The following WDR41 variants were observed in gnomAD, a reference collection of about 807,000 sequenced individuals.
The protein encoded by WDR41 is WD repeat domain 41.
WDR41 carries 63 observed loss-of-function variants against 69.3 expected under a neutral mutation model. The ratio of observed to expected loss-of-function variants is 0.91; its 90% CI spans 0.74 to 1.12. WDR41 has a LOEUF of 1.12. Among genes scored for constraint, WDR41 ranks in the 50% most tolerant of loss-of-function variants. The pLI, the probability that WDR41 is intolerant of heterozygous loss-of-function variation, is 0.00. For missense variants in WDR41, 543 were observed against 534.5 expected (o/e 1.02, Z -0.16); for synonymous variants, 185 against 192.1 (o/e 0.96, Z 0.31).
intron 1 of WDR41, among the ~76,000 whole-genome samples, chr5:77,565,950 C>G (rs1200431342): frequency 6.6e-6 from 1 of 152,146 alleles, no homozygotes; most frequent in Admixed American, 6.5e-5. Flanking sequence ...CCATTGACTT[C>G]TTACTGCATA....
At chr5:77,517,898 A>T (rs539478530) in intron 1 of WDR41, among the ~76,000 whole-genome samples, 1 of 152,300 alleles carries the variant, frequency 6.6e-6, no homozygotes, top group African/African-American at 2.4e-5. Flanking sequence ...CAGCTCTTAT[A>T]TATTTTCATC....
chr5:77,501,223 C>T (rs967173305), intron 1 of WDR41, among the ~76,000 whole-genome samples: 7 of 152,272 alleles, frequency 4.6e-5, no homozygotes, highest in African/African-American at 1.2e-4. Context: ...AGGAGATTCT[C>T]TCCCATTTCT....
intron 1 of WDR41, chr5:77,545,716 A>G (rs545339968): frequency 1.7e-5 from 9 of 521,034 alleles, no homozygotes; most frequent in Non-Finnish European, 3.0e-5. Context: ...GCAGAAGCAG[A>G]CCCACGCTGG....
intron 1 of WDR41, among the ~76,000 whole-genome samples, chr5:77,555,602 G>T (rs888266105): frequency 6.6e-6 from 1 of 152,016 alleles, no homozygotes; most frequent in Admixed American, 6.5e-5. Context: ...GAGCCACCCC[G>T]CCTAGCCTGT....
chr5:77,534,945 A>G (rs1478635964), intron 1 of WDR41, among the ~76,000 whole-genome samples: 4 of 152,244 alleles, frequency 2.6e-5, no homozygotes, highest in Non-Finnish European at 4.4e-5. Flanking sequence ...TTAAGACTCA[A>G]CAGTTTAAAG....
chr5:77,440,964 T>C lies in WDR41; in HGVS notation c.731A>G (p.Glu244Gly), dbSNP rs1344870927. The C allele has an allele frequency of 6.2e-7, 1 of 1,613,782 alleles. No individual in the cohort carries two copies. The highest frequency in any genetic ancestry group is 1.7e-5 in the Admixed American group (1 of 59,950). Reference protein sequence around the residue: ...LSFVTGSHVGELIIWDALDWT... With the variant: ...LSFVTGSHVGGLIIWDALDWT... ...GTCCAGGGCATCCCAGATGATCAGC[T>C]CTCCGACGTGGGAGCCGGTGACAAA... Residue 244 changes from glutamate to glycine, a missense_variant, in exon 9 of 13, where the codon GAG becomes GGG. Coordinates refer to ENST00000296679, the MANE Select transcript of WDR41 (RefSeq NM_018268.4).
rs184420328 is a variant in WDR41, at chr5:77,608,567, C to T, written c.42+11912G>A. ...CAAGTACCTAAAAGCCACATGTAGT[C>T]ATTAGATAGTGCATATACAGAACAT... is the stretch of plus-strand genomic sequence containing the variant. On this transcript the variant is annotated intron_variant, in intron 1 of 5. Coordinates refer to the WDR41 transcript ENST00000509971. 2.6e-5 allele frequency among the ~76,000 whole-genome samples: 4 copies of T among 152,322 alleles called. No individual in the cohort carries two copies. In the East Asian group the frequency reaches 7.7e-4, roughly 29 times the overall value.
At chr5:77,598,138 T>C (rs770640954) in intron 1 of WDR41, among the ~76,000 whole-genome samples, 3 of 152,174 alleles carry the variant, frequency 2.0e-5, no homozygotes, top group Non-Finnish European at 4.4e-5. Context: ...AAATAGAAAA[T>C]AACAAGCACA....
chr5:77,507,129 G>A (rs959313196), intron 1 of WDR41, among the ~76,000 whole-genome samples: 1 of 152,172 alleles, frequency 6.6e-6, no homozygotes, highest in African/African-American at 2.4e-5. Context: ...ATGTAAATTA[G>A]TAATGAGTAA....
At chr5:77,582,463 A>G (rs1230424444) in intron 1 of WDR41, 5 of 1,603,206 alleles carry the variant, frequency 3.1e-6, no homozygotes, top group Non-Finnish European at 4.2e-6. Context: ...AGAGCTGAAG[A>G]TCAAGCGCCT....
chr5:77,459,039 C>T, intron 5 of WDR41, 23 bp downstream of exon 5: 14 of 1,531,014 alleles, frequency 9.1e-6, no homozygotes, highest in Non-Finnish European at 1.2e-5. Flanking sequence ...GTCATAAAAA[C>T]TCATATTTAC....
At chr5:77,489,974 A>G (rs552947504) in intron 1 of WDR41, among the ~76,000 whole-genome samples, 5 of 152,366 alleles carry the variant, frequency 3.3e-5, no homozygotes, top group Admixed American at 3.3e-4. Flanking sequence ...AATCAAAGAC[A>G]TAAAATAGTG....
In WDR41 at chr5:77,436,343, G is replaced by T; in HGVS notation, c.1145C>A (p.Pro382His). Residue 382 changes from proline (P) to histidine (H), a missense_variant, in exon 12 of 13, where the codon CCT (proline) becomes CAT (histidine). Physicochemically the swap from Pro to His is moderately conservative, Grantham distance 77. Transcript: ENST00000296679. ...AGCATTTTCTTGCTGCTTTTTAACA[G>T]GTTGGCTGGCTTGTTTGCTGACTCT... ...FGRVSKQASQ[P>H]VKKQQENATS... The T allele has an allele frequency of 6.2e-7, 1 of 1,614,024 alleles. No homozygotes were observed. The highest frequency in any genetic ancestry group is 1.1e-5 in the South Asian group (1 of 91,066).
At chr5:77,611,763 C>T (rs1242951169) in intron 1 of WDR41, among the ~76,000 whole-genome samples, 2 of 150,646 alleles carry the variant, frequency 1.3e-5, no homozygotes. Context: ...CATTCAAAAG[C>T]TAGCAGAAGG....
intron 7 of WDR41, among the ~76,000 whole-genome samples, chr5:77,450,720 A>G (rs1339129871): frequency 4.6e-5 from 7 of 152,304 alleles, no homozygotes; most frequent in African/African-American, 1.7e-4. Flanking sequence ...GGTGCTGTGG[A>G]TGCTCAAAGA....
intron 2 of WDR41, among the ~76,000 whole-genome samples, chr5:77,487,912 TG>T (rs374525810): frequency 6.6e-6 from 1 of 152,348 alleles, no homozygotes; most frequent in African/African-American, 2.4e-5. Context: ...GCTCATTCAT[TG>T]GTGATACACA....
intron 9 of WDR41, among the ~76,000 whole-genome samples, chr5:77,440,190 A>T (rs911677582): frequency 3.9e-5 from 6 of 152,210 alleles, no homozygotes; most frequent in African/African-American, 9.6e-5. Context: ...GAAGGGTACA[A>T]TTCATAAACA....
chr5:77,522,037 G>A (rs1331130854), intron 1 of WDR41, among the ~76,000 whole-genome samples: 1 of 152,196 alleles, frequency 6.6e-6, no homozygotes, highest in African/African-American at 2.4e-5. Flanking sequence ...AATTGCAGGA[G>A]TTTTTCCTAG....
chr5:77,559,422 G>A (rs1369857727), intron 1 of WDR41, among the ~76,000 whole-genome samples: 1 of 152,028 alleles, frequency 6.6e-6, no homozygotes, highest in African/African-American at 2.4e-5. Context: ...TAATTACTGT[G>A]TTTAACAACA....
Sources: allele counts gnomAD v4.1 joint callset (sites outside exome capture counted in the v4.1 genomes callset), GRCh38; gene constraint gnomAD v4.1.1; transcripts MANE v1.5; gene names NCBI Gene and HGNC (gene_info 2026-07-23, HGNC 2026-07-21).